Variants in C2orf66 observed in about 807,000 individuals in gnomAD.
C2orf66 encodes uncharacterized protein C2orf66.
C2orf66 carries 6 observed loss-of-function variants against 7.0 expected under a neutral mutation model. That is an observed-to-expected ratio of 0.86 (90% confidence interval 0.47 to 1.69). The LOEUF (loss-of-function observed/expected upper bound fraction) is 1.69, where lower values mean the gene tolerates loss of function less well. Ranked by LOEUF, C2orf66 falls within the 40% of genes most tolerant of loss-of-function variation. The pLI, the probability that C2orf66 is intolerant of heterozygous loss-of-function variation, is 0.01. For synonymous variants in C2orf66, 38 were observed against 43.8 expected, an observed-to-expected ratio of 0.87 and a Z score of 0.52; for missense variants, 107 against 112.0, an observed-to-expected ratio of 0.96 and a Z score of 0.20.
chr2:196,807,314 T>C, intron 2 of C2orf66, 110 bp downstream of exon 2: 1 of 669,510 alleles, frequency 1.5e-6, no homozygotes, highest in East Asian at 2.8e-5. Context: ...ACTGAGCATT[T>C]ATTTCTATGA....
chr2:196,826,112 A>G, the C2orf66 span, among the ~76,000 whole-genome samples: 761 of 152,196 alleles, frequency 5.0e-3, 5 homozygotes, highest in African/African-American at 0.017. Context: ...AAGCACTGAC[A>G]CTTCTACTCC....
chr2:196,819,054 T>C, the C2orf66 span, among the ~76,000 whole-genome samples: 14 of 152,226 alleles, frequency 9.2e-5, no homozygotes, highest in African/African-American at 7.2e-5. Context: ...CTGAGTGCCA[T>C]TGAAATTGCT....
chr2:196,831,745 C>T, the C2orf66 span, among the ~76,000 whole-genome samples: 1 of 152,288 alleles, frequency 6.6e-6, no homozygotes, highest in East Asian at 1.9e-4. Flanking sequence ...CAAGTCCCTT[C>T]CCCAGTTCCT....
the C2orf66 span, among the ~76,000 whole-genome samples, chr2:196,822,099 G>C: frequency 6.6e-6 from 1 of 151,722 alleles, no homozygotes; most frequent in Non-Finnish European, 1.5e-5. Context: ...ATTTTTAGTA[G>C]AGATGGGGTT....
the C2orf66 span, among the ~76,000 whole-genome samples, chr2:196,825,408 C>A: frequency 6.6e-6 from 1 of 152,066 alleles, no homozygotes; most frequent in East Asian, 1.9e-4. Flanking sequence ...TACTATATTG[C>A]AAACTTGAAA....
chr2:196,826,637 T>A, the C2orf66 span, among the ~76,000 whole-genome samples: 3 of 152,170 alleles, frequency 2.0e-5, no homozygotes, highest in Admixed American at 1.3e-4. Flanking sequence ...GTTATTCAGA[T>A]GGGTGGTGGT....
chr2:196,831,041 C>T, the C2orf66 span, among the ~76,000 whole-genome samples: 14 of 152,168 alleles, frequency 9.2e-5, no homozygotes, highest in South Asian at 4.2e-4. Context: ...CAAATCAGGT[C>T]TTTGGGCCAG....
upstream of C2orf66, among the ~76,000 whole-genome samples, chr2:196,810,584 T>A (rs1699865078): frequency 6.6e-6 from 1 of 152,216 alleles, no homozygotes; most frequent in African/African-American, 2.4e-5. Context: ...GCCGAGAAAT[T>A]GGACTTGAGT....
the C2orf66 span, among the ~76,000 whole-genome samples, chr2:196,830,440 C>T: frequency 1.3e-5 from 2 of 152,194 alleles, no homozygotes; most frequent in East Asian, 1.9e-4. Context: ...AATCATTCCC[C>T]GCTTCTCCTG....
At chr2:196,825,655 C>T in the C2orf66 span, among the ~76,000 whole-genome samples, 2 of 152,146 alleles carry the variant, frequency 1.3e-5, no homozygotes, top group Non-Finnish European at 2.9e-5. Flanking sequence ...CTAAGTTTCT[C>T]CAGAGGAGGG....
At chr2:196,819,171 A>G in the C2orf66 span, among the ~76,000 whole-genome samples, 2 of 152,234 alleles carry the variant, frequency 1.3e-5, no homozygotes, top group African/African-American at 4.8e-5. Context: ...TGAGAAAAAG[A>G]TACCACTGCG....
chr2:196,810,257 GGATTATAGCTGGAAATATGATGAT>G (rs1436296754), upstream of C2orf66: 1 of 152,092 alleles, frequency 6.6e-6, no homozygotes, highest in African/African-American at 2.4e-5. Flanking sequence ...GAAATATGAT[GGATTATAGCTGGAAATATGATGAT>G]GATTATCCCA....
intron 1 of C2orf66, among the ~76,000 whole-genome samples, chr2:196,808,112 A>G (rs376056335): frequency 2.0e-5 from 3 of 152,304 alleles, no homozygotes; most frequent in African/African-American, 7.2e-5. Context: ...TTAGCACAGG[A>G]GGGTTCTTGG....
chr2:196,820,060 T>C, the C2orf66 span, among the ~76,000 whole-genome samples: 2 of 152,342 alleles, frequency 1.3e-5, no homozygotes, highest in East Asian at 3.9e-4. Context: ...AGAGCTGTTT[T>C]GTCCAAGTCC....
At chr2:196,807,082 C>T (rs1466873220) in intron 2 of C2orf66, among the ~76,000 whole-genome samples, 1 of 152,048 alleles carries the variant, frequency 6.6e-6, no homozygotes, top group Non-Finnish European at 1.5e-5. Context: ...TGTAGATTTT[C>T]CACATAACTT....
chr2:196,812,730 C>G (rs766426818), upstream of C2orf66, among the ~76,000 whole-genome samples: 5 of 152,188 alleles, frequency 3.3e-5, no homozygotes, highest in Non-Finnish European at 5.9e-5. Context: ...GCAACTTCAG[C>G]AAAGTCTCAG....
upstream of C2orf66, chr2:196,809,446 G>T: frequency 6.8e-7 from 1 of 1,473,086 alleles, no homozygotes; most frequent in Non-Finnish European, 9.4e-7. Flanking sequence ...AGGCAGACAA[G>T]GAAGGAGAAA....
At chr2:196,814,390 G>A in the C2orf66 span, among the ~76,000 whole-genome samples, 1 of 152,196 alleles carries the variant, frequency 6.6e-6, no homozygotes, top group African/African-American at 2.4e-5. Context: ...CATGGACACA[G>A]GGAGGGGAAC....
the C2orf66 span, among the ~76,000 whole-genome samples, chr2:196,828,209 A>ATCTCTC: frequency 1.4e-5 from 2 of 140,640 alleles, no homozygotes; most frequent in East Asian, 4.2e-4. Flanking sequence ...ACGAATCAAA[A>ATCTCTC]TCTCTCTCTC....
Sources: allele counts gnomAD v4.1 joint callset (sites outside exome capture counted in the v4.1 genomes callset), GRCh38; gene constraint gnomAD v4.1.1; transcripts MANE v1.5; gene names NCBI Gene and HGNC (gene_info 2026-07-23, HGNC 2026-07-21).